Variants in PDE6H observed in about 807,000 individuals in gnomAD.
PDE6H encodes retinal cone rhodopsin-sensitive cGMP 3',5'-cyclic phosphodiesterase subunit gamma.
A neutral mutation model predicts 9.2 loss-of-function variants in PDE6H; 11 were observed. The ratio of observed to expected loss-of-function variants is 1.19; its 90% CI spans 0.75 to 1.97. PDE6H has a LOEUF of 1.97. PDE6H is among the 30% of genes most tolerant of loss of function. The pLI is 0.00. For missense variants in PDE6H, 98 were observed against 101.5 expected, an observed-to-expected ratio of 0.97 and a Z score of 0.15; for synonymous variants, 36 against 33.6, an observed-to-expected ratio of 1.07 and a Z score of -0.25.
intron 1 of PDE6H, among the ~76,000 whole-genome samples, chr12:14,976,368 C>A (rs188748192): frequency 6.6e-6 from 1 of 152,172 alleles, no homozygotes; most frequent in East Asian, 1.9e-4. Context: ...AGAGAAAAAT[C>A]TTGGAGGCGA....
chr12:14,974,039 C>T (rs754551172), intron 1 of PDE6H, among the ~76,000 whole-genome samples: 7 of 152,194 alleles, frequency 4.6e-5, no homozygotes, highest in Non-Finnish European at 8.8e-5. Context: ...TTGCTGCATC[C>T]ACTTATTTCT....
intron 3 of PDE6H, among the ~76,000 whole-genome samples, chr12:14,980,725 T>C (rs1864669117): frequency 1.3e-5 from 2 of 152,354 alleles, no homozygotes; most frequent in South Asian, 4.1e-4. Context: ...TGGAATAATG[T>C]AAAGAGGTTT....
rs1864687966 is a variant in PDE6H at position 14,981,711 on chromosome 12, A to AG, written c.*236dup. The AG allele has an allele frequency of 1.7e-6, 1 of 593,956 alleles. No homozygotes were observed. 36.8% of individuals were successfully genotyped at this position (593,956 alleles called of 1,614,324 possible). A position where few individuals can be genotyped will look rare whatever the true frequency, so the allele number is the denominator to read the frequency against. On this transcript the variant is annotated 3_prime_UTR_variant, in exon 4 of 4. Transcript: ENST00000266395. ...GACCACCTTTTCCTACCAGCTAGTT[A>AG]GAAGTCATCAATATTTCTCTACATT...
rs752505911 is a variant in PDE6H, at chr12:14,978,026, C to A, written c.14C>A (p.Thr5Asn). Reference protein sequence around the residue: MSDNTTLPAPASNQG... With the variant: MSDNNTLPAPASNQG... The stretch of plus-strand genomic sequence containing the variant: ...GGGGGAGTTAAAATGAGTGACAACA[C>A]TACTCTGCCTGCTCCAGCTTCAAAC... Residue 5 changes from threonine to asparagine, a missense_variant, in exon 2 of 4, where the codon ACT (threonine) becomes AAT (asparagine). Physicochemically the swap from Thr to Asn is moderately conservative, Grantham distance 65. Coordinates refer to ENST00000266395, the MANE Select transcript of PDE6H (RefSeq NM_006205.3). 4 of 1,613,332 alleles carry A rather than the reference C, an allele frequency of 2.5e-6. No homozygotes were observed. The highest frequency in any genetic ancestry group is 1.1e-5 in the South Asian group (1 of 91,062).
At chr12:14,979,621 T>C (rs1864651926) in intron 3 of PDE6H, among the ~76,000 whole-genome samples, 1 of 152,196 alleles carries the variant, frequency 6.6e-6, no homozygotes, top group Admixed American at 6.5e-5. Context: ...GAAATAAGGG[T>C]GAGGTCTGGA....
intron 1 of PDE6H, among the ~76,000 whole-genome samples, chr12:14,975,508 C>A (rs1349249181): frequency 6.6e-6 from 1 of 152,208 alleles, no homozygotes. Flanking sequence ...TCTCTAGCTG[C>A]CCTCTGTGAC....
At chr12:14,978,373 G>A (rs1864629729) in intron 2 of PDE6H, among the ~76,000 whole-genome samples, 1 of 152,178 alleles carries the variant, frequency 6.6e-6, no homozygotes, top group Non-Finnish European at 1.5e-5. Context: ...GGCAAATAGA[G>A]GCTTTTTACA....
At position 14,979,225 on chromosome 12, in the gene PDE6H, CCATCCACT is replaced by C. The variant is rs1245658213; in HGVS notation, c.175+7_175+14del. 6.3e-7 allele frequency: 1 copy of C among 1,598,730 alleles called. No homozygotes were observed. The highest frequency in any genetic ancestry group is 1.7e-5 in the Admixed American group (1 of 59,998). On this transcript the variant is annotated splice_region_variant and intron_variant, in intron 3 of 3. Coordinates refer to ENST00000266395, the MANE Select transcript of PDE6H (RefSeq NM_006205.3). ...AATGGAGGGGCTAGGAACAGGTAAG[CCATCCACT>C]GATTTAAGTGAGAACTTCGCACTTG...
intron 2 of PDE6H, among the ~76,000 whole-genome samples, 154 bp downstream of exon 2, chr12:14,978,300 T>C (rs12832328): frequency 0.44 from 66,401 of 152,072 alleles, 14,621 homozygotes; most frequent in African/African-American, 0.48. Flanking sequence ...CTTTGATGAA[T>C]TGTGTCTTTA....
chr12:14,978,262 C>T, intron 2 of PDE6H, 116 bp downstream of exon 2: 2 of 870,008 alleles, frequency 2.3e-6, no homozygotes, highest in South Asian at 2.9e-5. Flanking sequence ...ATTTCCACTC[C>T]ATCCTCTCTT....
intron 3 of PDE6H, among the ~76,000 whole-genome samples, chr12:14,980,967 T>A (rs985450941): frequency 6.6e-6 from 1 of 152,176 alleles, no homozygotes; most frequent in African/African-American, 2.4e-5. Flanking sequence ...AGAAGAACAA[T>A]TAGAGAAGAA....
At chr12:14,976,150 A>G (rs763506203) in intron 1 of PDE6H, among the ~76,000 whole-genome samples, 6 of 152,202 alleles carry the variant, frequency 3.9e-5, no homozygotes, top group Non-Finnish European at 8.8e-5. Context: ...TTATTAACTC[A>G]TTTGACAAAT....
chr12:14,979,091 C>A, intron 2 of PDE6H, 88 bp from the exon 3 acceptor site: 1 of 834,534 alleles, frequency 1.2e-6, no homozygotes, highest in Middle Eastern at 2.4e-4. Flanking sequence ...TCCTTCTTCC[C>A]CCTTGAATCA....
intron 3 of PDE6H, among the ~76,000 whole-genome samples, chr12:14,979,783 C>T (rs565409339): frequency 6.6e-6 from 1 of 152,272 alleles, no homozygotes; most frequent in South Asian, 2.1e-4. Flanking sequence ...ACAATGAATG[C>T]AATCACTGCA....
chr12:14,973,303 C>T (rs1864546918), intron 1 of PDE6H, among the ~76,000 whole-genome samples: 1 of 152,166 alleles, frequency 6.6e-6, no homozygotes, highest in African/African-American at 2.4e-5. Flanking sequence ...TTGATTATTA[C>T]AAGGTCACTG....
At position 14,980,743 on chromosome 12, in the gene PDE6H, G is replaced by A. The variant is rs544272839; in HGVS notation, c.176-657G>A. On this transcript the variant is annotated intron_variant, in intron 3 of 3. Coordinates refer to ENST00000266395, the MANE Select transcript of PDE6H (RefSeq NM_006205.3). The stretch of plus-strand genomic sequence containing the variant: ...AATAATGTAAAGAGGTTTATAGGGA[G>A]TGAAGGTCTGAGGTCTTTGACCTGG... Among the ~76,000 whole-genome samples, 75 of 152,350 alleles carry A rather than the reference G, an allele frequency of 4.9e-4. 1 individual carries two copies. Among genetic ancestry groups the A allele is most frequent in the African/African-American group, 1.7e-3 (71 of 41,580 alleles).
In PDE6H at chr12:14,981,389, A is replaced by G. The variant is rs1247397724; in HGVS notation, c.176-11A>G. 6.3e-7 allele frequency: 1 copy of G among 1,590,358 alleles called. No homozygotes were observed. The highest frequency in any genetic ancestry group is 1.3e-5 in the African/African-American group (1 of 74,490). ...AGGTTGGCTTACGTGCTCTTCTTCC[A>G]TCTCTTGCAGATATCACAGTGATTT... On this transcript the variant is annotated splice_polypyrimidine_tract_variant and intron_variant, in intron 3 of 3. Coordinates refer to ENST00000266395, the MANE Select transcript of PDE6H (RefSeq NM_006205.3).
At chr12:14,977,292 G>A (rs1234921503) in intron 1 of PDE6H, among the ~76,000 whole-genome samples, 1 of 151,946 alleles carries the variant, frequency 6.6e-6, no homozygotes, top group Non-Finnish European at 1.5e-5. Flanking sequence ...GTTCATGTGA[G>A]GATTAAACAA....
At chr12:14,975,024 C>G (rs1411946928) in intron 1 of PDE6H, among the ~76,000 whole-genome samples, 1 of 152,062 alleles carries the variant, frequency 6.6e-6, no homozygotes, top group Non-Finnish European at 1.5e-5. Context: ...ATAAGACCCA[C>G]AGAGGATTAT....
Sources: gnomAD v4.1 joint callset for allele counts (sites outside exome capture counted in the v4.1 genomes callset) on GRCh38, gnomAD v4.1.1 for gene constraint, MANE v1.5 for transcripts, NCBI Gene and HGNC (gene_info 2026-07-23, HGNC 2026-07-21) for gene names.